The following ATAD2B variants were observed in gnomAD, a reference collection of about 807,000 sequenced individuals.
ATAD2B encodes ATPase family AAA domain-containing protein 2B.
ATAD2B carries 40 observed loss-of-function variants against 167.6 expected under a neutral mutation model. The observed-to-expected ratio is 0.24, with a 90% confidence interval of 0.19 to 0.31. ATAD2B has a LOEUF of 0.31. Among genes scored for constraint, ATAD2B ranks in the 10% least tolerant of loss-of-function variants. The pLI, the probability that ATAD2B is intolerant of heterozygous loss-of-function variation, is 1.00. For missense variants in ATAD2B, 1,242 were observed against 1,757.2 expected (o/e 0.71, Z 5.24); for synonymous variants, 579 against 596.5 (o/e 0.97, Z 0.43).
chr2:23,803,363 A>G (rs1237811750), intron 18 of ATAD2B, among the ~76,000 whole-genome samples: 1 of 152,076 alleles, frequency 6.6e-6, no homozygotes, highest in African/African-American at 2.4e-5. Context: ...TTTCAGTAAT[A>G]AATGTTGGAC....
chr2:23,911,065 A>G (rs558245461), intron 1 of ATAD2B, among the ~76,000 whole-genome samples: 3 of 151,288 alleles, frequency 2.0e-5, no homozygotes, highest in Non-Finnish European at 4.4e-5. Flanking sequence ...CATCTCTACT[A>G]AAAATACTAG....
At chr2:23,926,522 C>T in intron 1 of ATAD2B, 33 bp downstream of exon 1, 2 of 1,533,036 alleles carry the variant, frequency 1.3e-6, no homozygotes, top group South Asian at 2.4e-5. Flanking sequence ...CCGGCACTTC[C>T]GAGCCTCCGG....
chr2:23,693,327 G>A, the ATAD2B span: 2 of 1,551,268 alleles, frequency 1.3e-6, no homozygotes, highest in Non-Finnish European at 1.7e-6. Context: ...AGGCCATGCA[G>A]TGCAGCGAGC....
chr2:23,884,048 G>A (rs1698343357), intron 6 of ATAD2B, among the ~76,000 whole-genome samples: 1 of 152,116 alleles, frequency 6.6e-6, no homozygotes, highest in Non-Finnish European at 1.5e-5. Flanking sequence ...AAAGGCTGAG[G>A]CAGGAGAATC....
At chr2:23,754,587 C>A in intron 26 of ATAD2B, 60 bp downstream of exon 26, 2 of 1,580,726 alleles carry the variant, frequency 1.3e-6, no homozygotes, top group Non-Finnish European at 8.6e-7. Flanking sequence ...CAACTGCCTA[C>A]AAACACATTC....
In ATAD2B at chr2:23,829,579, T is replaced by C. The variant is rs566958402; in HGVS notation, c.1729-640A>G. 5.8e-4 allele frequency among the ~76,000 whole-genome samples: 89 copies of C among 152,222 alleles called. No homozygotes were observed. The Middle Eastern group carries it at 0.014, about 23-fold the overall frequency. On this transcript the variant is annotated intron_variant, in intron 14 of 27. Transcript: ENST00000238789. ...TAGCCTGGACAACATAGTGACACCCTGTCTCTACAAAAAAATTGTTTTTTA... is the reference window on the plus strand; with the variant it reads ...TAGCCTGGACAACATAGTGACACCCCGTCTCTACAAAAAAATTGTTTTTTA...
At chr2:23,773,055 T>C (rs919616067) in intron 22 of ATAD2B, among the ~76,000 whole-genome samples, 4 of 152,226 alleles carry the variant, frequency 2.6e-5, no homozygotes, top group African/African-American at 9.6e-5. Context: ...GCATTGCTTT[T>C]TCATGTGCCT....
chr2:23,710,306 CA>C, the ATAD2B span, among the ~76,000 whole-genome samples: 2 of 152,064 alleles, frequency 1.3e-5, no homozygotes, highest in African/African-American at 4.8e-5. Context: ...TGCCAGTAAA[CA>C]AACATACAAC....
At chr2:23,696,140 C>A in the ATAD2B span, 1 of 1,549,064 alleles carries the variant, frequency 6.5e-7, no homozygotes, top group Non-Finnish European at 8.7e-7. This position sits in a 1 kb window ranked among gnomAD's most constrained non-coding sequence, Gnocchi z 5.5. Context: ...TCAGGTGAGG[C>A]CCCCCGGGGT....
At chr2:23,825,109 ATTTTTTTTT>A (rs70941593) in intron 15 of ATAD2B, among the ~76,000 whole-genome samples, 4 of 111,526 alleles carry the variant, frequency 3.6e-5, no homozygotes, top group African/African-American at 1.4e-4. Context: ...CATCAGGCTA[ATTTTTTTTT>A]TTTTTTTTTT....
At chr2:23,847,682 T>TAAA (rs755280338) in intron 13 of ATAD2B, among the ~76,000 whole-genome samples, 8 of 143,676 alleles carry the variant, frequency 5.6e-5, no homozygotes, top group South Asian at 2.2e-4. Context: ...GCTTTTGTTT[T>TAAA]AAAAAAAAAA....
intron 2 of ATAD2B, among the ~76,000 whole-genome samples, chr2:23,889,460 G>A (rs1229222598): frequency 6.6e-6 from 1 of 151,740 alleles, no homozygotes; most frequent in African/African-American, 2.4e-5. Context: ...AAGCCACCGC[G>A]CCCAGCCCCT....
intron 1 of ATAD2B, among the ~76,000 whole-genome samples, chr2:23,924,346 T>C (rs927089060): frequency 6.6e-6 from 1 of 152,170 alleles, no homozygotes; most frequent in African/African-American, 2.4e-5. Context: ...CAAATGAGAC[T>C]TTACAGACAC....
chr2:23,884,776 C>A lies in ATAD2B; in HGVS notation c.773G>T (p.Gly258Val). ...IQNHHEVSTEGEEEESQEEDG... is the reference protein window; with the variant it reads ...IQNHHEVSTEVEEEESQEEDG... ...AGTGCTTTACAAACCTTCTTCTTCA[C>A]CCTCAGTAGAAACTTCATGATGATT... Residue 258 changes from glycine to valine, a missense_variant, in exon 6 of 28, where the codon GGT becomes GTT. Gly to Val is a moderately radical substitution (Grantham distance 109, BLOSUM62 -3). This residue lies in a region of ATAD2B where 99 missense variants were observed against 160.4 expected (regional missense o/e 0.62). Transcript: ENST00000238789. The A allele has an allele frequency of 6.3e-7, 1 of 1,585,358 alleles. No homozygotes were observed. Among genetic ancestry groups the A allele is most frequent in the African/African-American group, 1.3e-5 (1 of 74,176 alleles).
At chr2:23,793,034 T>A (rs575708762) in intron 19 of ATAD2B, among the ~76,000 whole-genome samples, 1 of 149,350 alleles carries the variant, frequency 6.7e-6, no homozygotes, top group Admixed American at 6.7e-5. Context: ...AATCACGTAA[T>A]TGTTTTATTA....
At chr2:23,897,040 G>C (rs1446771227) in intron 1 of ATAD2B, among the ~76,000 whole-genome samples, 1 of 152,164 alleles carries the variant, frequency 6.6e-6, no homozygotes. Context: ...TGAAGCACAA[G>C]AATCACTCAA....
In ATAD2B at chr2:23,908,228, C is replaced by T. The variant is rs1026218335; in HGVS notation, c.217-12258G>A. 3.0e-4 allele frequency among the ~76,000 whole-genome samples: 46 copies of T among 151,934 alleles called. No homozygotes were observed. In the East Asian group the frequency reaches 5.0e-3, roughly 17 times the overall value. On this transcript the variant is annotated intron_variant, in intron 1 of 27. Coordinates refer to ENST00000238789, the MANE Select transcript of ATAD2B (RefSeq NM_017552.4). ...AACCTACAAAATGGGAGAAAATTTT[C>T]GCAACCTACTCATCTGACAAAGGGC...
In ATAD2B at chr2:23,749,991, C is replaced by A. The variant is rs1675183524; in HGVS notation, c.*2055G>T. On this transcript the variant is annotated 3_prime_UTR_variant, in exon 28 of 28. Coordinates refer to ENST00000238789, the MANE Select transcript of ATAD2B (RefSeq NM_017552.4). ...TTGCAAAAAACCCTTTTACCAGAAA[C>A]TTGCTACAAAAAATCTGCTACATCT... 2 of 151,944 alleles carry A rather than the reference C, an allele frequency of 1.3e-5. No homozygotes were observed. The highest frequency in any genetic ancestry group is 2.9e-5 in the Non-Finnish European group (2 of 67,962). 9.4% of individuals were successfully genotyped at this position (151,944 alleles called of 1,614,324 possible). A position where few individuals can be genotyped will look rare whatever the true frequency, so the allele number is the denominator to read the frequency against.
At chr2:23,824,001 G>C (rs565786591) in intron 15 of ATAD2B, among the ~76,000 whole-genome samples, 1 of 152,182 alleles carries the variant, frequency 6.6e-6, no homozygotes, top group East Asian at 1.9e-4. Flanking sequence ...CCAGGCTGGA[G>C]TGCAGTGGCA....
Sources: gnomAD v4.1 joint callset for allele counts (sites outside exome capture counted in the v4.1 genomes callset) on GRCh38, gnomAD v4.1.1 for gene constraint, gnomAD v4.1.1 regional missense constraint, Gnocchi (gnomAD v3.1) non-coding constraint, MANE v1.5 for transcripts, NCBI Gene and HGNC (gene_info 2026-07-23, HGNC 2026-07-21) for gene names.